The following JAZF1 variants were observed in gnomAD, a reference collection of about 807,000 sequenced individuals.
JAZF1 encodes the protein JAZF zinc finger 1.
JAZF1 carries 8 observed loss-of-function variants against 26.4 expected under a neutral mutation model. That is an observed-to-expected ratio of 0.30 (90% CI 0.18 to 0.55). JAZF1 has a LOEUF of 0.55. JAZF1 is among the 20% of genes least tolerant of loss of function. The probability of loss-of-function intolerance (pLI) is 0.94; values close to 1 mark genes in which losing one functional copy is unlikely to be tolerated. For synonymous variants in JAZF1, 126 were observed against 122.3 expected (o/e 1.03, Z -0.20); for missense variants, 199 against 322.0 (o/e 0.62, Z 2.92).
In JAZF1 at chr7:27,943,010, G is replaced by A. The variant is rs571011839; in HGVS notation, c.189-47594C>T. On this transcript the variant is annotated intron_variant, in intron 2 of 4. Transcript: ENST00000283928. ...CAAACCTCCTCTGGCTTAATCCAGA[G>A]AGGCTTCTTTTTCATGACGAAACAA... 2.0e-5 allele frequency among the ~76,000 whole-genome samples: 3 copies of A among 152,326 alleles called. No individual in the cohort carries two copies. In the South Asian group the frequency reaches 6.2e-4, roughly 32 times the overall value.
At chr7:28,018,228 T>G (rs1276627946) in intron 1 of JAZF1, among the ~76,000 whole-genome samples, 1 of 150,882 alleles carries the variant, frequency 6.6e-6, no homozygotes, top group Non-Finnish European at 1.5e-5. Context: ...GGAGGAGGAG[T>G]CGGCCAGGGC....
At chr7:28,121,698 T>C (rs553673380) in intron 1 of JAZF1, among the ~76,000 whole-genome samples, 1 of 152,354 alleles carries the variant, frequency 6.6e-6, no homozygotes, top group East Asian at 1.9e-4. Context: ...GAATGTCTCA[T>C]ATGTTTGTAC....
intron 3 of JAZF1, chr7:27,841,758 T>C (rs1448369596): frequency 6.6e-6 from 1 of 152,248 alleles, no homozygotes; most frequent in African/African-American, 2.4e-5. Flanking sequence ...TTTTGCTCTT[T>C]TTTAATGAGG....
At chr7:28,096,070 G>T (rs191063996) in intron 1 of JAZF1, among the ~76,000 whole-genome samples, 5 of 152,266 alleles carry the variant, frequency 3.3e-5, no homozygotes, top group East Asian at 3.9e-4. Context: ...TGAAATTTGG[G>T]GGGGGCACAA....
intron 1 of JAZF1, among the ~76,000 whole-genome samples, chr7:28,126,463 T>C (rs1782694465): frequency 6.7e-6 from 1 of 149,514 alleles, no homozygotes; most frequent in Non-Finnish European, 1.5e-5. Flanking sequence ...ATAAGGTCTT[T>C]TGGAGGGAGG....
At chr7:27,981,692 G>T (rs1212575715) in intron 2 of JAZF1, among the ~76,000 whole-genome samples, 7 of 152,142 alleles carry the variant, frequency 4.6e-5, no homozygotes, top group African/African-American at 1.7e-4. Context: ...TTACATTTTT[G>T]TCAGACTATA....
intron 1 of JAZF1, among the ~76,000 whole-genome samples, chr7:28,157,821 A>T (rs1203105140): frequency 6.6e-6 from 1 of 152,178 alleles, no homozygotes; most frequent in Non-Finnish European, 1.5e-5. Context: ...TTTTGGTGTG[A>T]CACGGTTTGA....
chr7:27,875,154 G>A (rs1583442417), intron 3 of JAZF1, among the ~76,000 whole-genome samples: 1 of 152,068 alleles, frequency 6.6e-6, no homozygotes, highest in Non-Finnish European at 1.5e-5. Flanking sequence ...TCTCCCATCC[G>A]TGCAAGAAAT....
chr7:27,948,499 G>A (rs1221369319), intron 2 of JAZF1, among the ~76,000 whole-genome samples: 5 of 152,110 alleles, frequency 3.3e-5, no homozygotes, highest in African/African-American at 9.7e-5. Context: ...TATGGAAAAT[G>A]AGACCAAATC....
intron 2 of JAZF1, among the ~76,000 whole-genome samples, chr7:27,924,234 T>G (rs1583465534): frequency 6.6e-6 from 1 of 152,190 alleles, no homozygotes; most frequent in African/African-American, 2.4e-5. Context: ...CCCGCCACCA[T>G]GCCCGGCTGA....
At position 28,139,826 on chromosome 7, in the gene JAZF1, G is replaced by A. The variant is rs1015098947; in HGVS notation, c.115+40637C>T. Among the ~76,000 whole-genome samples, 11 of 152,294 alleles carry A rather than the reference G, an allele frequency of 7.2e-5. No individual in the cohort carries two copies. In the South Asian group the frequency reaches 1.0e-3, roughly 14 times the overall value. On this transcript the variant is annotated intron_variant, in intron 1 of 4. Coordinates refer to ENST00000283928, the MANE Select transcript of JAZF1 (RefSeq NM_175061.4). ...ACTAGGCCTTGGACACAAGGTTGAA[G>A]AAGACATCTATATCCTGCCCTTAAA...
At chr7:27,882,679 A>T (rs1229823449) in intron 3 of JAZF1, among the ~76,000 whole-genome samples, 1 of 152,186 alleles carries the variant, frequency 6.6e-6, no homozygotes. Flanking sequence ...CAGGTTCTTT[A>T]ATGCTGTGCA....
intron 1 of JAZF1, among the ~76,000 whole-genome samples, chr7:28,179,953 C>G (rs1037537938): frequency 6.5e-4 from 93 of 143,084 alleles, no homozygotes; most frequent in Admixed American, 5.1e-3. Flanking sequence ...CAGCCGCCGC[C>G]GAGCCCTGAC....
intron 4 of JAZF1, among the ~76,000 whole-genome samples, chr7:27,833,897 T>TG (rs1782757154): frequency 3.3e-5 from 5 of 152,178 alleles, no homozygotes; most frequent in Admixed American, 3.3e-4. Flanking sequence ...AAGTAACTGG[T>TG]GGAAGATCTA....
At chr7:27,855,782 G>T (rs1783238354) in intron 3 of JAZF1, among the ~76,000 whole-genome samples, 1 of 152,088 alleles carries the variant, frequency 6.6e-6, no homozygotes, top group Admixed American at 6.5e-5. Flanking sequence ...TCTACCACAG[G>T]TACAAAGAGG....
intron 3 of JAZF1, among the ~76,000 whole-genome samples, chr7:27,855,627 T>C (rs932412635): frequency 2.6e-5 from 4 of 152,190 alleles, no homozygotes; most frequent in Non-Finnish European, 5.9e-5. Flanking sequence ...AATGGATAAA[T>C]TCTTGGACAC....
chr7:27,997,083 T>C (rs1031359102), intron 1 of JAZF1, among the ~76,000 whole-genome samples: 1 of 152,028 alleles, frequency 6.6e-6, no homozygotes, highest in African/African-American at 2.4e-5. Flanking sequence ...GGAAAACCCA[T>C]ACAGGAGTAG....
At chr7:28,024,946 G>A (rs1322743624) in intron 1 of JAZF1, among the ~76,000 whole-genome samples, 1 of 152,198 alleles carries the variant, frequency 6.6e-6, no homozygotes, top group African/African-American at 2.4e-5. Flanking sequence ...ATAGACTGAG[G>A]TTCCTTCTTT....
intron 1 of JAZF1, among the ~76,000 whole-genome samples, chr7:28,013,603 C>T (rs773398057): frequency 1.3e-5 from 2 of 152,084 alleles, no homozygotes; most frequent in African/African-American, 2.4e-5. Flanking sequence ...TCTAGAACCA[C>T]GGCACTGAAA....
Sources: allele counts gnomAD v4.1 joint callset (sites outside exome capture counted in the v4.1 genomes callset), GRCh38; gene constraint gnomAD v4.1.1; transcripts MANE v1.5; gene names NCBI Gene and HGNC (gene_info 2026-07-23, HGNC 2026-07-21).